The following ANKS1B variants were observed in gnomAD, a reference collection of about 807,000 sequenced individuals.
ANKS1B encodes the protein ankyrin repeat and sterile alpha motif domain-containing protein 1B.
A neutral mutation model predicts 148.3 loss-of-function variants in ANKS1B; 36 were observed. The ratio of observed to expected loss-of-function variants is 0.24; its 90% CI spans 0.19 to 0.32. The LOEUF (loss-of-function observed/expected upper bound fraction) is 0.32. Among genes scored for constraint, ANKS1B ranks in the 10% least tolerant of loss-of-function variants. The pLI is 1.00. For synonymous variants in ANKS1B, 542 were observed against 560.8 expected (o/e 0.97, Z 0.47); for missense variants, 1,157 against 1,542.6 (o/e 0.75, Z 4.19).
intron 14 of ANKS1B, among the ~76,000 whole-genome samples, chr12:99,195,802 T>C (rs1422549576): frequency 1.3e-5 from 2 of 152,058 alleles, no homozygotes; most frequent in Non-Finnish European, 1.5e-5. Context: ...GCACATGCAA[T>C]TGGTAATTTA....
At chr12:99,095,728 A>T (rs1247347346) in intron 15 of ANKS1B, among the ~76,000 whole-genome samples, 1 of 152,236 alleles carries the variant, frequency 6.6e-6, no homozygotes, top group Non-Finnish European at 1.5e-5. Flanking sequence ...TTTTAGGCAG[A>T]CAGGGGTATG....
At chr12:98,950,914 G>C (rs558284555) in intron 17 of ANKS1B, among the ~76,000 whole-genome samples, 1 of 152,242 alleles carries the variant, frequency 6.6e-6, no homozygotes, top group Non-Finnish European at 1.5e-5. Context: ...CACTGTGTCA[G>C]GCTCTCTGTG....
chr12:98,930,704 A>C, intron 17 of ANKS1B, among the ~76,000 whole-genome samples: 1 of 151,834 alleles, frequency 6.6e-6, no homozygotes, highest in Non-Finnish European at 1.5e-5. Flanking sequence ...GATTCTGTTT[A>C]TATGAAATGT....
At chr12:98,899,236 A>G (rs1229994836) in intron 17 of ANKS1B, among the ~76,000 whole-genome samples, 1 of 152,086 alleles carries the variant, frequency 6.6e-6, no homozygotes, top group Non-Finnish European at 1.5e-5. Flanking sequence ...TACTTTTTTG[A>G]GCCATGCTGT....
At chr12:99,199,763 C>A (rs1171383300) in intron 14 of ANKS1B, among the ~76,000 whole-genome samples, 1 of 152,118 alleles carries the variant, frequency 6.6e-6, no homozygotes, top group Non-Finnish European at 1.5e-5. Flanking sequence ...ATCTGCCATC[C>A]TTCAGCTATG....
At chr12:98,788,186 C>T (rs962700658) in intron 22 of ANKS1B, among the ~76,000 whole-genome samples, 1 of 151,500 alleles carries the variant, frequency 6.6e-6, no homozygotes, top group Non-Finnish European at 1.5e-5. Context: ...GGGTGGATCA[C>T]CTGAGGTCAG....
At chr12:99,321,229 AG>A (rs1348316177) in intron 12 of ANKS1B, among the ~76,000 whole-genome samples, 2 of 152,136 alleles carry the variant, frequency 1.3e-5, no homozygotes, top group African/African-American at 4.8e-5. Context: ...CTCTCTTCAA[AG>A]CTGTCAGACA....
chr12:99,639,036 T>A (rs2098273424), intron 9 of ANKS1B, among the ~76,000 whole-genome samples: 1 of 152,222 alleles, frequency 6.6e-6, no homozygotes, highest in African/African-American at 2.4e-5. Flanking sequence ...TGGAAATGCC[T>A]GGATGTCCAG....
rs184834920 is a variant in ANKS1B, at chr12:99,771,002, C to G, written c.1128+1920G>C. ...TTTCTTTCTTGCCACTATCACAATA[C>G]AGTCTTTGGCTTACAAAAAAAATTG... is the stretch of plus-strand genomic sequence containing the variant. On this transcript the variant is annotated intron_variant, in intron 8 of 26. Coordinates refer to ENST00000683438, the MANE Select transcript of ANKS1B (RefSeq NM_001352186.2). Among the ~76,000 whole-genome samples, 209 of 152,170 alleles carry G rather than the reference C, an allele frequency of 1.4e-3. 1 individual carries two copies. The highest frequency in any genetic ancestry group is 2.1e-3 in the Non-Finnish European group (144 of 67,958).
intron 10 of ANKS1B, among the ~76,000 whole-genome samples, chr12:99,486,455 C>CTTAT (rs145790526): frequency 0.045 from 6,642 of 146,876 alleles, 159 homozygotes; most frequent in African/African-American, 0.059. Context: ...ATGGCATGTG[C>CTTAT]TTATTTATTT....
chr12:99,527,640 G>C (rs1458555606), intron 9 of ANKS1B, among the ~76,000 whole-genome samples: 1 of 152,150 alleles, frequency 6.6e-6, no homozygotes, highest in Non-Finnish European at 1.5e-5. Flanking sequence ...TAGTTCAAGA[G>C]CATGAGCCCT....
intron 11 of ANKS1B, among the ~76,000 whole-genome samples, chr12:99,416,408 A>G (rs1175113295): frequency 6.6e-6 from 1 of 152,218 alleles, no homozygotes; most frequent in African/African-American, 2.4e-5. Flanking sequence ...TTCAATGTTT[A>G]ATGTTTTAAG....
intron 20 of ANKS1B, among the ~76,000 whole-genome samples, chr12:98,805,420 T>C (rs201430): frequency 0.45 from 68,509 of 151,746 alleles, 16,701 homozygotes; most frequent in East Asian, 0.73. Context: ...AAAGGAAAAA[T>C]ACTTTGACAT....
chr12:99,016,804 T>C (rs1009087055), intron 17 of ANKS1B, among the ~76,000 whole-genome samples: 2 of 152,244 alleles, frequency 1.3e-5, no homozygotes, highest in African/African-American at 4.8e-5. Flanking sequence ...AGTTTCACCA[T>C]TGGCCTACAG....
chr12:99,892,340 A>G lies in ANKS1B; in HGVS notation c.135-66951T>C, dbSNP rs531596762. Among the ~76,000 whole-genome samples the G allele has an allele frequency of 1.8e-4, 27 of 152,276 alleles. No homozygotes were observed. The South Asian group carries it at 5.6e-3, about 32-fold the overall frequency. The stretch of plus-strand genomic sequence containing the variant: ...TAAGAAATAAAAGCTGACACACCGA[A>G]TGCATGCATTAACCTACATATACAC... On this transcript the variant is annotated intron_variant, in intron 1 of 26. Transcript: ENST00000683438.
At chr12:99,562,683 A>G (rs566552451) in intron 9 of ANKS1B, among the ~76,000 whole-genome samples, 1 of 152,172 alleles carries the variant, frequency 6.6e-6, no homozygotes, top group Non-Finnish European at 1.5e-5. Context: ...AAAGTGGGAA[A>G]AGCCTCTTAT....
chr12:98,820,190 G>A (rs1338302261), intron 19 of ANKS1B, among the ~76,000 whole-genome samples: 1 of 152,228 alleles, frequency 6.6e-6, no homozygotes, highest in Non-Finnish European at 1.5e-5. Context: ...AATATGGGGT[G>A]TTCATCAACA....
intron 12 of ANKS1B, among the ~76,000 whole-genome samples, chr12:99,372,740 G>A (rs2093207519): frequency 6.6e-6 from 1 of 151,946 alleles, no homozygotes; most frequent in Non-Finnish European, 1.5e-5. Flanking sequence ...AAATGTTACT[G>A]CAAAAGTACA....
rs187980662 is a variant in ANKS1B at position 99,521,015 on chromosome 12, G to C, written c.1273-16374C>G. ...TCTCCATGTTGGTCAGGCTGGTCTC[G>C]AACTCCCAACCTCAGGTGATCTGCC... On this transcript the variant is annotated intron_variant, in intron 9 of 26. Coordinates refer to ENST00000683438, the MANE Select transcript of ANKS1B (RefSeq NM_001352186.2). Among the ~76,000 whole-genome samples the C allele has an allele frequency of 4.9e-4, 75 of 152,058 alleles. No homozygotes were observed. The East Asian group carries it at 0.012, about 25-fold the overall frequency.
Sources: allele counts gnomAD v4.1 joint callset (sites outside exome capture counted in the v4.1 genomes callset), GRCh38; gene constraint gnomAD v4.1.1; transcripts MANE v1.5; gene names NCBI Gene and HGNC (gene_info 2026-07-23, HGNC 2026-07-21).